PEAK1: variants seen among roughly 807,000 people sequenced by gnomAD.
PEAK1 encodes the protein inactive tyrosine-protein kinase PEAK1.
Under a neutral mutation model 124.7 loss-of-function variants are expected in PEAK1, and 54 were observed. The observed-to-expected ratio is 0.43, with a 90% confidence interval of 0.35 to 0.54. PEAK1 has a LOEUF of 0.54. Ranked by LOEUF, PEAK1 falls within the 20% of genes least tolerant of loss-of-function variation. PEAK1 has a pLI of 0.01. For missense variants in PEAK1, 2,046 were observed against 2,134.5 expected (o/e 0.96, Z 0.82); for synonymous variants, 719 against 760.0 (o/e 0.95, Z 0.89).
intron 7 of PEAK1, among the ~76,000 whole-genome samples, chr15:77,172,561 A>G (rs1365057247): frequency 6.6e-6 from 1 of 152,180 alleles, no homozygotes. Flanking sequence ...TTTGTCTGTC[A>G]GTTGTTCTTT....
chr15:77,215,743 T>C (rs1173431986), intron 6 of PEAK1, among the ~76,000 whole-genome samples: 4 of 152,198 alleles, frequency 2.6e-5, no homozygotes, highest in African/African-American at 7.2e-5. Flanking sequence ...ATTATCTTTT[T>C]CTTTTTTTGA....
chr15:77,182,124 C>T (rs2057305847), intron 6 of PEAK1, 84 bp from the exon 7 acceptor site: 5 of 1,217,566 alleles, frequency 4.1e-6, no homozygotes, highest in East Asian at 3.1e-5. Flanking sequence ...AAAAAACTGA[C>T]TCCATTCCTA....
At chr15:77,159,840 A>T (rs977825017) in intron 7 of PEAK1, among the ~76,000 whole-genome samples, 3 of 152,168 alleles carry the variant, frequency 2.0e-5, no homozygotes, top group African/African-American at 7.2e-5. Flanking sequence ...TCAATTTTTC[A>T]TTATGGAAAT....
intron 6 of PEAK1, among the ~76,000 whole-genome samples, chr15:77,252,136 T>C (rs2152926220): frequency 6.6e-6 from 1 of 152,370 alleles, no homozygotes; most frequent in Middle Eastern, 3.4e-3. Flanking sequence ...GTATTTTCCA[T>C]ATTCTTTCTC....
At chr15:77,140,593 C>T (rs1198859965) in intron 8 of PEAK1, among the ~76,000 whole-genome samples, 1 of 152,092 alleles carries the variant, frequency 6.6e-6, no homozygotes, top group African/African-American at 2.4e-5. Flanking sequence ...AGAGAACATC[C>T]TCAACCTGAC....
intron 1 of PEAK1, chr15:77,403,732 T>C: frequency 4.2e-6 from 4 of 956,186 alleles, no homozygotes; most frequent in Non-Finnish European, 5.0e-6. Context: ...ATCTCCATCT[T>C]ACAGGAACAA....
In PEAK1 at chr15:77,305,563, A is replaced by C. The variant is rs2064052048; in HGVS notation, c.-602-19059T>G. 2.0e-5 allele frequency among the ~76,000 whole-genome samples: 3 copies of C among 152,182 alleles called. No homozygotes were observed. In the South Asian group the frequency reaches 6.2e-4, roughly 32 times the overall value. On this transcript the variant is annotated intron_variant, in intron 2 of 9. Transcript: ENST00000682557. ...GTTCCTGACCAGGACAAAAGAAGAG[A>C]TAATTACTATGGAGTTTTTTGGAAA... is the stretch of plus-strand genomic sequence containing the variant.
In PEAK1 at chr15:77,133,257, T is replaced by G; in HGVS notation, c.3825A>C (p.Ala1275=). The change falls in exon 9 of 10, where the codon GCA becomes GCC. Residue 1275 remains alanine, a synonymous_variant. Coordinates refer to ENST00000682557, the MANE Select transcript of PEAK1 (RefSeq NM_001385026.1). This position sits in a 1 kb window ranked among gnomAD's most constrained non-coding sequence, Gnocchi z 4.2. ...GRGIQKPQRQ[A]LYRGLENREE... is the part of the protein sequence containing the mutation. ...CCCGATTCTCAAGTCCTCGATAAAG[T>G]GCTTGTCTCTGCGGCTTCTGGATGC... 1 of 1,614,242 alleles carries G rather than the reference T, an allele frequency of 6.2e-7. No homozygotes were observed. The highest frequency in any genetic ancestry group is 8.5e-7 in the Non-Finnish European group (1 of 1,180,026).
intron 6 of PEAK1, among the ~76,000 whole-genome samples, chr15:77,206,773 A>C (rs1393149302): frequency 6.6e-6 from 1 of 151,906 alleles, no homozygotes; most frequent in Non-Finnish European, 1.5e-5. Context: ...CCCATTTTGT[A>C]GGTTGCCTGT....
chr15:77,222,422 ATATAT>A (rs1265119290), intron 6 of PEAK1, among the ~76,000 whole-genome samples: 1 of 152,028 alleles, frequency 6.6e-6, no homozygotes, highest in African/African-American at 2.4e-5. Flanking sequence ...AGTGTTTCAT[ATATAT>A]TACTGCTAAT....
Position 77,369,424 on chromosome 15 carries a change from C to T in PEAK1, c.-665-4199G>A, listed in dbSNP as rs560283472. 1.4e-4 allele frequency among the ~76,000 whole-genome samples: 21 copies of T among 152,224 alleles called. No individual in the cohort carries two copies. In the South Asian group the frequency reaches 3.9e-3, roughly 29 times the overall value. ...GGGAAAACACCATCACCAAGTTGGT[C>T]TTGGTTTTCTAAATTCTAGAAACCA... On this transcript the variant is annotated intron_variant, in intron 1 of 9. Coordinates refer to ENST00000682557, the MANE Select transcript of PEAK1 (RefSeq NM_001385026.1).
intron 5 of PEAK1, among the ~76,000 whole-genome samples, chr15:77,282,215 G>A (rs1597094500): frequency 1.3e-5 from 2 of 151,868 alleles, no homozygotes; most frequent in South Asian, 4.2e-4. Context: ...GCCATCCTGA[G>A]GTTTACTGAA....
chr15:77,360,162 A>T (rs1304263504), intron 2 of PEAK1, among the ~76,000 whole-genome samples: 2 of 152,230 alleles, frequency 1.3e-5, no homozygotes, highest in African/African-American at 4.8e-5. Flanking sequence ...ATAATCCGAT[A>T]GTCAGAGACA....
intron 6 of PEAK1, among the ~76,000 whole-genome samples, chr15:77,199,573 ACT>A (rs2058265710): frequency 1.3e-5 from 2 of 152,314 alleles, no homozygotes; most frequent in African/African-American, 2.4e-5. Context: ...CCTCTGGAAA[ACT>A]CTGTGTCCAC....
At chr15:77,216,258 G>A (rs1181483482) in intron 6 of PEAK1, among the ~76,000 whole-genome samples, 2 of 152,146 alleles carry the variant, frequency 1.3e-5, no homozygotes, top group Non-Finnish European at 2.9e-5. Context: ...TCTTTAATAT[G>A]AGGGATCTTC....
chr15:77,140,714 C>CT (rs1375743662), intron 8 of PEAK1, among the ~76,000 whole-genome samples: 6 of 150,340 alleles, frequency 4.0e-5, no homozygotes, highest in East Asian at 3.9e-4. Context: ...CTTGCCATTT[C>CT]TTTTTTTTTC....
Position 77,114,238 on chromosome 15 carries a change from T to G in PEAK1, c.5159A>C (p.Glu1720Ala). ...SLDREGGISLEDWLCAQYLAF... is the reference protein window; with the variant it reads ...SLDREGGISLADWLCAQYLAF... Reference sequence around the variant, plus strand: ...CAAATACTGAGCACAAAGCCAGTCCTCAAGGCTGATTCCACCTTCCCTGTC... The same window carrying G: ...CAAATACTGAGCACAAAGCCAGTCCGCAAGGCTGATTCCACCTTCCCTGTC... Residue 1720 changes from glutamate to alanine, a missense_variant, in exon 10 of 10, where the codon GAG (glutamate) becomes GCG (alanine). Glu to Ala is a moderately radical substitution (Grantham distance 107, BLOSUM62 -1). Coordinates refer to ENST00000682557, the MANE Select transcript of PEAK1 (RefSeq NM_001385026.1). 1.2e-6 allele frequency: 2 copies of G among 1,614,228 alleles called. No homozygotes were observed. Among genetic ancestry groups the G allele is most frequent in the Non-Finnish European group, 1.7e-6 (2 of 1,180,046 alleles).
At chr15:77,149,867 G>A (rs770677565) in intron 8 of PEAK1, among the ~76,000 whole-genome samples, 1 of 151,802 alleles carries the variant, frequency 6.6e-6, no homozygotes. Flanking sequence ...TCTTAACTCA[G>A]CCTCCCAAGT....
chr15:77,295,729 T>C (rs2063453123), intron 2 of PEAK1, among the ~76,000 whole-genome samples: 1 of 152,206 alleles, frequency 6.6e-6, no homozygotes, highest in Non-Finnish European at 1.5e-5. Flanking sequence ...GGAACATCTA[T>C]TTCAACAAGA....
Sources: allele counts gnomAD v4.1 joint callset (sites outside exome capture counted in the v4.1 genomes callset), GRCh38; gene constraint gnomAD v4.1.1; non-coding constraint Gnocchi (gnomAD v3.1); transcripts MANE v1.5; gene names NCBI Gene and HGNC (gene_info 2026-07-23, HGNC 2026-07-21).